The following RUNDC3B variants were observed in gnomAD, a reference collection of about 807,000 sequenced individuals.
RUNDC3B encodes RUN domain-containing protein 3B.
Under a neutral mutation model 58.4 loss-of-function variants are expected in RUNDC3B, and 33 were observed. That is an observed-to-expected ratio of 0.56 (90% CI 0.43 to 0.75). The LOEUF (loss-of-function observed/expected upper bound fraction) is 0.75, where lower values mean the gene tolerates loss of function less well. RUNDC3B is among the 30% of genes least tolerant of loss of function. The pLI is 0.00. For synonymous variants in RUNDC3B, 193 were observed against 195.2 expected (o/e 0.99, Z 0.10); for missense variants, 501 against 535.7 (o/e 0.94, Z 0.64).
intron 10 of RUNDC3B, 129 bp downstream of exon 10, chr7:87,816,391 A>T: frequency 1.5e-6 from 1 of 666,508 alleles, no homozygotes; most frequent in Non-Finnish European, 2.4e-6. Flanking sequence ...AGCCATTATG[A>T]TTAAAAATGG....
intron 8 of RUNDC3B, among the ~76,000 whole-genome samples, chr7:87,803,584 T>C (rs1211395584): frequency 6.6e-6 from 1 of 152,140 alleles, no homozygotes; most frequent in Non-Finnish European, 1.5e-5. Context: ...CGGTAGAGTA[T>C]AATAAGGAAG....
chr7:87,753,720 T>C (rs1833173881), intron 6 of RUNDC3B, among the ~76,000 whole-genome samples: 1 of 152,174 alleles, frequency 6.6e-6, no homozygotes, highest in Admixed American at 6.6e-5. Flanking sequence ...TTCTCTGCTA[T>C]AACTCAAATA....
chr7:87,813,465 A>G (rs918378907), intron 9 of RUNDC3B, among the ~76,000 whole-genome samples: 4 of 152,062 alleles, frequency 2.6e-5, no homozygotes, highest in South Asian at 2.1e-4. Context: ...GATATTTTAT[A>G]CTGTTTGTAA....
intron 6 of RUNDC3B, among the ~76,000 whole-genome samples, chr7:87,768,264 T>C (rs1295491661): frequency 6.6e-6 from 1 of 152,188 alleles, no homozygotes; most frequent in African/African-American, 2.4e-5. Context: ...ATCTGGTTCC[T>C]TTGTCCCAGT....
At chr7:87,679,371 G>A (rs1826697279) in intron 2 of RUNDC3B, among the ~76,000 whole-genome samples, 1 of 149,774 alleles carries the variant, frequency 6.7e-6, no homozygotes, top group African/African-American at 2.5e-5. Context: ...GGGATTACAA[G>A]TGTGAGCCAC....
chr7:87,699,707 T>C (rs965303335), intron 2 of RUNDC3B, among the ~76,000 whole-genome samples: 2 of 152,126 alleles, frequency 1.3e-5, no homozygotes, highest in African/African-American at 4.8e-5. Context: ...TGCCCAACCA[T>C]AGAAATATTA....
At chr7:87,820,897 T>C (rs1837383922) in intron 10 of RUNDC3B, among the ~76,000 whole-genome samples, 1 of 151,904 alleles carries the variant, frequency 6.6e-6, no homozygotes, top group East Asian at 1.9e-4. Context: ...CTCAAAATAA[T>C]AAAGAGCTAT....
intron 6 of RUNDC3B, among the ~76,000 whole-genome samples, chr7:87,745,149 G>C (rs1487500783): frequency 6.6e-6 from 1 of 152,178 alleles, no homozygotes; most frequent in East Asian, 1.9e-4. Flanking sequence ...AAGCATCCCT[G>C]CATCCCTGGT....
chr7:87,664,104 C>T lies in RUNDC3B; in HGVS notation c.238+13167C>T, dbSNP rs532258019. Among the ~76,000 whole-genome samples the T allele has an allele frequency of 2.0e-5, 3 of 152,150 alleles. No homozygotes were observed. In the South Asian group the frequency reaches 6.2e-4, roughly 32 times the overall value. Reference sequence around the variant, plus strand: ...CTATTGGCTTACATGTTTATATCTTCTTGTCTCTGTGCACTTTGAGGAAAG... The same window carrying T: ...CTATTGGCTTACATGTTTATATCTTTTTGTCTCTGTGCACTTTGAGGAAAG... On this transcript the variant is annotated intron_variant, in intron 2 of 10. Coordinates refer to ENST00000394654, the MANE Select transcript of RUNDC3B (RefSeq NM_001134405.2).
chr7:87,691,186 C>G (rs1827983940), intron 2 of RUNDC3B, among the ~76,000 whole-genome samples: 1 of 152,006 alleles, frequency 6.6e-6, no homozygotes, highest in Non-Finnish European at 1.5e-5. Context: ...GGCCAATAGT[C>G]TTTTCTGTGT....
chr7:87,780,959 G>A (rs1011873682), intron 8 of RUNDC3B, among the ~76,000 whole-genome samples: 2 of 151,858 alleles, frequency 1.3e-5, no homozygotes, highest in African/African-American at 2.4e-5. Flanking sequence ...GGATTGATTT[G>A]GCTATTTTGG....
chr7:87,692,953 C>T (rs1212576891), intron 2 of RUNDC3B, among the ~76,000 whole-genome samples: 1 of 151,158 alleles, frequency 6.6e-6, no homozygotes, highest in African/African-American at 2.4e-5. Context: ...AGATGTGGCA[C>T]AGCTGTATGT....
At chr7:87,738,282 A>G (rs987290863) in intron 4 of RUNDC3B, among the ~76,000 whole-genome samples, 1 of 152,042 alleles carries the variant, frequency 6.6e-6, no homozygotes, top group Admixed American at 6.6e-5. Context: ...AGTCTCAAAC[A>G]TACATATTTG....
At chr7:87,750,462 C>G (rs1313044314) in intron 6 of RUNDC3B, among the ~76,000 whole-genome samples, 1 of 151,666 alleles carries the variant, frequency 6.6e-6, no homozygotes, top group Non-Finnish European at 1.5e-5. Flanking sequence ...ACACTGACTT[C>G]CACAATGGTT....
At chr7:87,631,724 GA>G (rs1300203092) in intron 1 of RUNDC3B, among the ~76,000 whole-genome samples, 2 of 152,166 alleles carry the variant, frequency 1.3e-5, no homozygotes, top group African/African-American at 4.8e-5. Flanking sequence ...AATCAGAGAT[GA>G]TTTGATATTT....
intron 4 of RUNDC3B, among the ~76,000 whole-genome samples, chr7:87,722,366 C>T (rs1231770096): frequency 6.6e-6 from 1 of 152,090 alleles, no homozygotes; most frequent in African/African-American, 2.4e-5. Flanking sequence ...CCCTACCCCC[C>T]AGCCTCTGGT....
intron 2 of RUNDC3B, among the ~76,000 whole-genome samples, chr7:87,699,048 G>A (rs1203851448): frequency 6.6e-6 from 1 of 152,100 alleles, no homozygotes; most frequent in Non-Finnish European, 1.5e-5. Context: ...CTAGACATGA[G>A]TATTTTTTAA....
chr7:87,736,140 C>T (rs571849368), intron 4 of RUNDC3B, among the ~76,000 whole-genome samples: 90 of 152,202 alleles, frequency 5.9e-4, no homozygotes, highest in African/African-American at 2.0e-3. Context: ...TATCCCCTTT[C>T]AGTAGTTTCT....
At chr7:87,829,858 T>C (rs1787191648) in intron 10 of RUNDC3B, 27 bp from the exon 11 acceptor site, 2 of 1,527,108 alleles carry the variant, frequency 1.3e-6, no homozygotes, top group Non-Finnish European at 1.8e-6. Context: ...GGCAATTAAT[T>C]ATTTGCTATT....
Sources: allele counts gnomAD v4.1 joint callset (sites outside exome capture counted in the v4.1 genomes callset), GRCh38; gene constraint gnomAD v4.1.1; transcripts MANE v1.5; gene names NCBI Gene and HGNC (gene_info 2026-07-23, HGNC 2026-07-21).